Variants in AUTS2 observed in about 807,000 individuals in gnomAD.
The protein encoded by AUTS2 is activator of transcription and developmental regulator AUTS2.
AUTS2 carries 17 observed loss-of-function variants against 112.4 expected under a neutral mutation model. The ratio of observed to expected loss-of-function variants is 0.15; its 90% CI spans 0.10 to 0.23. The LOEUF is 0.23. Ranked by LOEUF, AUTS2 falls within the 10% of genes least tolerant of loss-of-function variation. The pLI, the probability that AUTS2 is intolerant of heterozygous loss-of-function variation, is 1.00. For missense variants in AUTS2, 1,510 were observed against 1,701.6 expected, an observed-to-expected ratio of 0.89 and a Z score of 1.98; for synonymous variants, 751 against 702.7, an observed-to-expected ratio of 1.07 and a Z score of -1.09.
At chr7:70,464,462 C>T (rs7790461) in intron 5 of AUTS2, among the ~76,000 whole-genome samples, 2 of 152,168 alleles carry the variant, frequency 1.3e-5, no homozygotes, top group South Asian at 4.1e-4. Flanking sequence ...ATCTTTGCAA[C>T]AACACAATAA....
chr7:69,744,277 C>T (rs1787392999), intron 1 of AUTS2, among the ~76,000 whole-genome samples: 1 of 152,082 alleles, frequency 6.6e-6, no homozygotes, highest in African/African-American at 2.4e-5. Flanking sequence ...CATTTATGTA[C>T]AAATCTTTGT....
At chr7:70,180,276 C>T (rs1809227099) in intron 4 of AUTS2, among the ~76,000 whole-genome samples, 2 of 152,096 alleles carry the variant, frequency 1.3e-5, no homozygotes, top group African/African-American at 4.8e-5. Flanking sequence ...TGTCCTGTCC[C>T]AATTCAATCT....
chr7:70,675,305 C>A (rs1177525996), intron 5 of AUTS2, among the ~76,000 whole-genome samples: 6 of 152,188 alleles, frequency 3.9e-5, no homozygotes, highest in African/African-American at 1.4e-4. Context: ...CCAGCCTGGC[C>A]AACATGGTGA....
chr7:69,796,057 G>A (rs1345183160), intron 1 of AUTS2, among the ~76,000 whole-genome samples: 1 of 152,234 alleles, frequency 6.6e-6, no homozygotes, highest in Admixed American at 6.5e-5. Flanking sequence ...TAACATTCAA[G>A]GTTTCTGTGG....
rs1805257115 is a variant in AUTS2, at chr7:70,631,506, G to A, written c.691-67063G>A. On this transcript the variant is annotated intron_variant, in intron 5 of 18. Transcript: ENST00000342771. The surrounding 1 kb of genome is among the most constrained non-coding windows in gnomAD (Gnocchi z 4.5). Reference sequence around the variant, plus strand: ...CCATGATTTCTGAACCGTGGGGGACGGGGTGGTCGCAACCTAGAATGTGGG... The same window carrying A: ...CCATGATTTCTGAACCGTGGGGGACAGGGTGGTCGCAACCTAGAATGTGGG... Among the ~76,000 whole-genome samples the A allele has an allele frequency of 6.6e-6, 1 of 152,050 alleles. No homozygotes were observed. Among genetic ancestry groups the A allele is most frequent in the South Asian group, 2.1e-4 (1 of 4,818 alleles).
At chr7:70,620,838 G>T (rs758587884) in intron 5 of AUTS2, among the ~76,000 whole-genome samples, 1 of 152,004 alleles carries the variant, frequency 6.6e-6, no homozygotes, top group African/African-American at 2.4e-5. Flanking sequence ...TTTTGTTACC[G>T]TCCCCTCTGG....
rs141432278 is a variant in AUTS2, at chr7:69,977,092, AG to A, written c.522+77596del. 2.0e-3 allele frequency among the ~76,000 whole-genome samples: 311 copies of A among 152,286 alleles called. 1 individual carries two copies. Among genetic ancestry groups the A allele is most frequent in the African/African-American group, 7.2e-3 (298 of 41,568 alleles). On this transcript the variant is annotated intron_variant, in intron 2 of 18. Coordinates refer to ENST00000342771, the MANE Select transcript of AUTS2 (RefSeq NM_015570.4). ...TTTTATACTTTTATGTCTTACATTT[AG>A]GTCTTTATCCATGTTGAGTTAATTT... is the stretch of plus-strand genomic sequence containing the variant.
chr7:69,610,245 A>G lies in AUTS2; in HGVS notation c.309+10283A>G, dbSNP rs1391703065. On this transcript the variant is annotated intron_variant, in intron 1 of 18. Transcript: ENST00000342771. ...CTGACAAAGGGGCTGAGTAATCTTTAGATCTGTGCTTCATTTCATTAATGG... is the reference window on the plus strand; with the variant it reads ...CTGACAAAGGGGCTGAGTAATCTTTGGATCTGTGCTTCATTTCATTAATGG... Among the ~76,000 whole-genome samples the G allele has an allele frequency of 2.0e-5, 3 of 152,228 alleles. No individual in the cohort carries two copies. In the East Asian group the frequency reaches 5.8e-4, roughly 29 times the overall value.
intron 5 of AUTS2, among the ~76,000 whole-genome samples, chr7:70,440,025 G>A (rs1334887558): frequency 2.0e-5 from 3 of 152,028 alleles, no homozygotes; most frequent in Non-Finnish European, 4.4e-5. Flanking sequence ...ACAAGCCTTG[G>A]CTTTCTCAGC....
intron 4 of AUTS2, among the ~76,000 whole-genome samples, chr7:70,407,012 T>A (rs1794564296): frequency 6.6e-6 from 1 of 152,244 alleles, no homozygotes; most frequent in South Asian, 2.1e-4. Flanking sequence ...AAGGACTTCC[T>A]GCATATGCCA....
rs546697792 is a variant in AUTS2, at chr7:70,020,959, C to T, written c.523-97173C>T. Among the ~76,000 whole-genome samples, 13 of 152,290 alleles carry T rather than the reference C, an allele frequency of 8.5e-5. No homozygotes were observed. The East Asian group carries it at 2.5e-3, about 29-fold the overall frequency. On this transcript the variant is annotated intron_variant, in intron 2 of 18. Coordinates refer to ENST00000342771, the MANE Select transcript of AUTS2 (RefSeq NM_015570.4). Reference sequence around the variant, plus strand: ...GTGTTGGGATTATAGGCATGAGCCACCATGCCCAGCCTAGAAACTTTTCTT... The same window carrying T: ...GTGTTGGGATTATAGGCATGAGCCATCATGCCCAGCCTAGAAACTTTTCTT...
intron 5 of AUTS2, among the ~76,000 whole-genome samples, chr7:70,492,642 C>T (rs934206836): frequency 6.6e-6 from 1 of 152,158 alleles, no homozygotes; most frequent in African/African-American, 2.4e-5. Context: ...AGAGACAAAG[C>T]GGAGACCATA....
chr7:70,606,913 GCA>G (rs1163693187), intron 5 of AUTS2, among the ~76,000 whole-genome samples: 1 of 151,344 alleles, frequency 6.6e-6, no homozygotes, highest in Non-Finnish European at 1.5e-5. Context: ...ATACACGTGC[GCA>G]CACACACAAC....
chr7:70,039,787 G>A (rs936610151), intron 2 of AUTS2, among the ~76,000 whole-genome samples: 4 of 152,146 alleles, frequency 2.6e-5, no homozygotes, highest in Non-Finnish European at 5.9e-5. Context: ...ACAGTGATAC[G>A]AGGGATAATT....
chr7:70,495,251 A>C (rs1198080279), intron 5 of AUTS2, among the ~76,000 whole-genome samples: 1 of 151,512 alleles, frequency 6.6e-6, no homozygotes, highest in Non-Finnish European at 1.5e-5. Flanking sequence ...AAAAAAAAAA[A>C]AAAAAAAAGC....
chr7:69,736,569 T>C (rs1465717339), intron 1 of AUTS2, among the ~76,000 whole-genome samples: 3 of 152,230 alleles, frequency 2.0e-5, no homozygotes, highest in African/African-American at 7.2e-5. Flanking sequence ...GCTTGTGTTA[T>C]CCAGTGTCAG....
intron 1 of AUTS2, among the ~76,000 whole-genome samples, chr7:69,713,516 A>C: frequency 6.8e-6 from 1 of 146,410 alleles, no homozygotes; most frequent in South Asian, 2.2e-4. Flanking sequence ...GCTGGAGTGC[A>C]GTGGTGCAAT....
chr7:70,537,201 C>T (rs1800359877), intron 5 of AUTS2, among the ~76,000 whole-genome samples: 1 of 152,170 alleles, frequency 6.6e-6, no homozygotes, highest in Non-Finnish European at 1.5e-5. Context: ...CAGTACCCAG[C>T]GTGAGGTCTG....
intron 2 of AUTS2, among the ~76,000 whole-genome samples, chr7:69,964,390 C>T (rs1797552136): frequency 6.6e-6 from 1 of 152,160 alleles, no homozygotes; most frequent in Admixed American, 6.5e-5. Context: ...GCACACTATC[C>T]TTAGGCATTT....
Sources: gnomAD v4.1 joint callset for allele counts (sites outside exome capture counted in the v4.1 genomes callset) on GRCh38, gnomAD v4.1.1 for gene constraint, Gnocchi (gnomAD v3.1) non-coding constraint, MANE v1.5 for transcripts, NCBI Gene and HGNC (gene_info 2026-07-23, HGNC 2026-07-21) for gene names.